NDFIP2: variants seen among roughly 807,000 people sequenced by gnomAD.
NDFIP2 encodes the protein NEDD4 family-interacting protein 2.
Under a neutral mutation model 36.0 loss-of-function variants are expected in NDFIP2, and 19 were observed. The observed-to-expected ratio is 0.53, with a 90% CI of 0.37 to 0.77. NDFIP2 has a LOEUF of 0.77. Among genes scored for constraint, NDFIP2 ranks in the 30% least tolerant of loss-of-function variants. The pLI is 0.00. For missense variants in NDFIP2, 446 were observed against 435.8 expected (o/e 1.02, Z -0.21); for synonymous variants, 181 against 167.7 (o/e 1.08, Z -0.61).
At chr13:79,521,549 T>C (rs1358383470) in intron 2 of NDFIP2, among the ~76,000 whole-genome samples, 4 of 152,138 alleles carry the variant, frequency 2.6e-5, no homozygotes, top group African/African-American at 9.7e-5. Context: ...ATGAAACATT[T>C]TCATTTTAAA....
chr13:79,523,319 C>T lies in NDFIP2; in HGVS notation c.487+2344C>T, dbSNP rs866449943. ...CACTGCAACCTTCACCTCCTGGGTT[C>T]AAGCGATTCTCCTGCCTCAGCCTCC... is the stretch of plus-strand genomic sequence containing the variant. On this transcript the variant is annotated intron_variant, in intron 2 of 7. Transcript: ENST00000218652. Among the ~76,000 whole-genome samples the T allele has an allele frequency of 2.0e-5, 3 of 152,194 alleles. No individual in the cohort carries two copies. The South Asian group carries it at 6.2e-4, about 32-fold the overall frequency.
rs1166931432 is a variant in NDFIP2 at position 79,481,293 on chromosome 13, C to A, written c.90C>A (p.Thr30=). 2 of 1,539,808 alleles carry A rather than the reference C, an allele frequency of 1.3e-6. No individual in the cohort carries two copies. Among genetic ancestry groups the A allele is most frequent in the Admixed American group, 2.0e-5 (1 of 50,944 alleles). ...GCGCCCCGGAGCTTCTCCGCGGAACCGCGACCAACGCGGAGGTCTCGGCGG... is the reference window on the plus strand; with the variant it reads ...GCGCCCCGGAGCTTCTCCGCGGAACAGCGACCAACGCGGAGGTCTCGGCGG... ...ARGAPELLRG[T]ATNAEVSAAA... The change falls in exon 1 of 8, where the codon ACC becomes ACA. Residue 30 remains threonine (T), a synonymous_variant. Coordinates refer to ENST00000218652, the MANE Select transcript of NDFIP2 (RefSeq NM_019080.3).
At position 79,551,010 on chromosome 13, in the gene NDFIP2, T is replaced by C; in HGVS notation, c.908-7T>C. 6.4e-7 allele frequency: 1 copy of C among 1,554,478 alleles called. No individual in the cohort carries two copies. The highest frequency in any genetic ancestry group is 1.2e-5 in the South Asian group (1 of 83,682). On this transcript the variant is annotated splice_polypyrimidine_tract_variant and splice_region_variant and intron_variant, in intron 6 of 7. Transcript: ENST00000218652. ...ATAGTATATCCATATTATTTCAACCTTCTCAGGCCTGCTCCTTTTCTTCAG... is the reference window on the plus strand; with the variant it reads ...ATAGTATATCCATATTATTTCAACCCTCTCAGGCCTGCTCCTTTTCTTCAG...
At chr13:79,526,982 C>G (rs574457987) in intron 2 of NDFIP2, among the ~76,000 whole-genome samples, 1 of 152,320 alleles carries the variant, frequency 6.6e-6, no homozygotes, top group East Asian at 1.9e-4. Context: ...TCAGATGTAT[C>G]TAATTCTAAA....
chr13:79,505,815 A>G (rs906373267), intron 1 of NDFIP2, among the ~76,000 whole-genome samples: 2 of 152,124 alleles, frequency 1.3e-5, no homozygotes, highest in African/African-American at 4.8e-5. Context: ...GCCCTTATGA[A>G]TCATTGTAAC....
chr13:79,486,270 A>G (rs1005937084), intron 1 of NDFIP2, among the ~76,000 whole-genome samples: 2 of 152,218 alleles, frequency 1.3e-5, no homozygotes, highest in Non-Finnish European at 2.9e-5. Flanking sequence ...CCCCTTACTG[A>G]ATCTGCCCCC....
chr13:79,541,221 T>G (rs887680480), intron 4 of NDFIP2, among the ~76,000 whole-genome samples: 4 of 151,986 alleles, frequency 2.6e-5, no homozygotes, highest in African/African-American at 9.6e-5. Context: ...TTTGACACCT[T>G]CTAATTATGC....
Position 79,551,957 on chromosome 13 carries a change from T to C in NDFIP2, c.*3-559T>C, listed in dbSNP as rs199726465. ...GAATGCAGGACTATAAGGAACAAAG[T>C]GTTTCAAGTTTATTAAGTATTCTTT... On this transcript the variant is annotated intron_variant, in intron 7 of 7. Transcript: ENST00000218652. 4.0e-5 allele frequency among the ~76,000 whole-genome samples: 6 copies of C among 151,408 alleles called. No individual in the cohort carries two copies. In the East Asian group the frequency reaches 1.2e-3, roughly 29 times the overall value.
chr13:79,546,944 G>A (rs1312100319), intron 5 of NDFIP2, among the ~76,000 whole-genome samples: 1 of 151,894 alleles, frequency 6.6e-6, no homozygotes, highest in Non-Finnish European at 1.5e-5. Context: ...TCAATTTCAA[G>A]TCCCTCCTTC....
intron 1 of NDFIP2, among the ~76,000 whole-genome samples, chr13:79,514,091 C>T (rs1874179461): frequency 6.6e-6 from 1 of 152,182 alleles, no homozygotes; most frequent in South Asian, 2.1e-4. Flanking sequence ...GATCTTTATC[C>T]CACCCATTTG....
chr13:79,490,770 A>G (rs778659653), intron 1 of NDFIP2, among the ~76,000 whole-genome samples: 1 of 152,162 alleles, frequency 6.6e-6, no homozygotes, highest in Non-Finnish European at 1.5e-5. Flanking sequence ...TATTTCACCC[A>G]GTCTCTAAAT....
chr13:79,551,153 A>G (rs376204236), intron 7 of NDFIP2, 31 bp downstream of exon 7: 12 of 1,390,246 alleles, frequency 8.6e-6, no homozygotes, highest in Admixed American at 4.1e-5. Context: ...AACTCTGCCT[A>G]TTCCCTTTAT....
At chr13:79,484,556 G>C (rs973699633) in intron 1 of NDFIP2, among the ~76,000 whole-genome samples, 2 of 152,140 alleles carry the variant, frequency 1.3e-5, no homozygotes, top group Non-Finnish European at 2.9e-5. Flanking sequence ...CTTTAACCTA[G>C]CTCTTCCTAA....
chr13:79,490,991 A>G (rs1873203746), intron 1 of NDFIP2, among the ~76,000 whole-genome samples: 1 of 152,100 alleles, frequency 6.6e-6, no homozygotes, highest in African/African-American at 2.4e-5. Flanking sequence ...GTCATTCTTG[A>G]CTACCTTATT....
intron 1 of NDFIP2, among the ~76,000 whole-genome samples, chr13:79,513,762 A>G (rs1298246867): frequency 6.6e-6 from 1 of 151,452 alleles, no homozygotes; most frequent in Non-Finnish European, 1.5e-5. Context: ...AGCTATTAAT[A>G]TGTTCAGATC....
chr13:79,503,380 A>AG (rs1873739867), intron 1 of NDFIP2, among the ~76,000 whole-genome samples: 3 of 152,168 alleles, frequency 2.0e-5, no homozygotes, highest in Admixed American at 2.0e-4. Context: ...GGCCAAGGAT[A>AG]AGCGGACTAG....
chr13:79,499,270 A>G (rs1020788884), intron 1 of NDFIP2, among the ~76,000 whole-genome samples: 1 of 151,982 alleles, frequency 6.6e-6, no homozygotes, highest in Non-Finnish European at 1.5e-5. Flanking sequence ...CAAACGTCAT[A>G]CTTTGTACTT....
chr13:79,552,540 C>T lies in NDFIP2; in HGVS notation c.*27C>T, dbSNP rs1276609270. ...GACTGCATCAACCCGACATTCCTTT[C>T]TTATACCAATGTGAAATTTCCAGAT... On this transcript the variant is annotated 3_prime_UTR_variant, in exon 8 of 8. Transcript: ENST00000218652. 6.6e-6 allele frequency: 1 copy of T among 151,840 alleles called. No homozygotes were observed. 9.4% of individuals were successfully genotyped at this position (151,840 alleles called of 1,614,324 possible).
At chr13:79,500,018 G>A (rs1213282099) in intron 1 of NDFIP2, among the ~76,000 whole-genome samples, 2 of 151,824 alleles carry the variant, frequency 1.3e-5, no homozygotes, top group African/African-American at 2.4e-5. Context: ...TGAAAAAACA[G>A]ACAAATAGAT....
Sources: gnomAD v4.1 joint callset for allele counts (sites outside exome capture counted in the v4.1 genomes callset) on GRCh38, gnomAD v4.1.1 for gene constraint, MANE v1.5 for transcripts, NCBI Gene and HGNC (gene_info 2026-07-23, HGNC 2026-07-21) for gene names.